CACNA2D3: variants seen among roughly 807,000 people sequenced by gnomAD.
CACNA2D3 encodes the protein voltage-dependent calcium channel subunit alpha-2/delta-3.
Under a neutral mutation model 160.6 loss-of-function variants are expected in CACNA2D3, and 60 were observed. The observed-to-expected ratio is 0.37, with a 90% CI of 0.30 to 0.46. The LOEUF is 0.46. Ranked by LOEUF, CACNA2D3 falls within the 20% of genes least tolerant of loss-of-function variation. The pLI is 1.00. For missense variants in CACNA2D3, 1,205 were observed against 1,365.0 expected, an observed-to-expected ratio of 0.88 and a Z score of 1.85; for synonymous variants, 558 against 492.9, an observed-to-expected ratio of 1.13 and a Z score of -1.75.
chr3:54,247,253 G>C (rs1702099717), intron 2 of CACNA2D3, among the ~76,000 whole-genome samples: 2 of 152,114 alleles, frequency 1.3e-5, no homozygotes, highest in South Asian at 4.1e-4. Context: ...GGTGGAGGTT[G>C]CAGTGAGCCA....
intron 4 of CACNA2D3, among the ~76,000 whole-genome samples, chr3:54,472,555 GAAAT>G (rs1700752813): frequency 6.6e-6 from 1 of 152,146 alleles, no homozygotes; most frequent in Non-Finnish European, 1.5e-5. Flanking sequence ...GCAAGAGAAA[GAAAT>G]AAAGGGTATT....
Position 54,241,283 on chromosome 3 carries a change from G to A in CACNA2D3, c.205-79159G>A, listed in dbSNP as rs4928022. 3.9e-5 allele frequency among the ~76,000 whole-genome samples: 6 copies of A among 152,084 alleles called. No homozygotes were observed. The South Asian group carries it at 1.0e-3, about 26-fold the overall frequency. ...ATGATCATGACTGGGGGCTCCCTGCGTGTTGGGCACTGTTGTAAGCACTTC... is the reference window on the plus strand; with the variant it reads ...ATGATCATGACTGGGGGCTCCCTGCATGTTGGGCACTGTTGTAAGCACTTC... On this transcript the variant is annotated intron_variant, in intron 2 of 37. Coordinates refer to ENST00000474759, the MANE Select transcript of CACNA2D3 (RefSeq NM_018398.3).
chr3:54,864,278 T>C (rs1699354460), intron 17 of CACNA2D3, among the ~76,000 whole-genome samples: 1 of 140,920 alleles, frequency 7.1e-6, no homozygotes, highest in African/African-American at 2.7e-5. Context: ...GTAGGTGTTC[T>C]TTTTTTTTTT....
intron 11 of CACNA2D3, among the ~76,000 whole-genome samples, chr3:54,728,171 T>C (rs1313637052): frequency 6.6e-6 from 1 of 150,968 alleles, no homozygotes; most frequent in African/African-American, 2.5e-5. Context: ...TCCAAATATT[T>C]CCTTTGCCCC....
intron 2 of CACNA2D3, among the ~76,000 whole-genome samples, chr3:54,229,875 T>C (rs1701738844): frequency 6.6e-6 from 1 of 152,166 alleles, no homozygotes; most frequent in Non-Finnish European, 1.5e-5. Flanking sequence ...AATTGTAATA[T>C]TTGGACACCT....
chr3:54,316,530 G>A (rs779264048), intron 2 of CACNA2D3, among the ~76,000 whole-genome samples: 3 of 152,266 alleles, frequency 2.0e-5, no homozygotes, highest in East Asian at 1.9e-4. Context: ...TTCTTGGCTC[G>A]TTTGCAAGAA....
chr3:54,776,228 G>A (rs1398935574), intron 13 of CACNA2D3, among the ~76,000 whole-genome samples: 1 of 152,188 alleles, frequency 6.6e-6, no homozygotes, highest in African/African-American at 2.4e-5. Flanking sequence ...CTAAGAGGTC[G>A]GGAGGCTGCC....
chr3:54,374,220 G>C (rs545337400), intron 3 of CACNA2D3, among the ~76,000 whole-genome samples: 1 of 152,208 alleles, frequency 6.6e-6, no homozygotes, highest in South Asian at 2.1e-4. Context: ...CACCACCAAC[G>C]ATCTCCGGTG....
At chr3:54,652,305 G>A (rs73842226) in intron 11 of CACNA2D3, among the ~76,000 whole-genome samples, 3,706 of 152,278 alleles carry the variant, frequency 0.024, 155 homozygotes, top group African/African-American at 0.083. Flanking sequence ...TTGAGGGCCC[G>A]CTGTGTCTCG....
chr3:54,184,643 A>G (rs896625170), intron 2 of CACNA2D3, among the ~76,000 whole-genome samples: 1 of 152,058 alleles, frequency 6.6e-6, no homozygotes, highest in African/African-American at 2.4e-5. Context: ...GAAGTACTTT[A>G]TGGTTTATGT....
At chr3:54,752,867 AT>A (rs67424246) in intron 12 of CACNA2D3, among the ~76,000 whole-genome samples, 190 bp downstream of exon 12, 10,278 of 103,280 alleles carry the variant, frequency 0.1, 311 homozygotes, top group Middle Eastern at 0.21. Flanking sequence ...TTTTTTTTTT[AT>A]TTTTTTTTTG....
At chr3:54,165,600 T>TAA (rs373085382) in intron 2 of CACNA2D3, among the ~76,000 whole-genome samples, 3,333 of 93,330 alleles carry the variant, frequency 0.036, 137 homozygotes, top group African/African-American at 0.12. Context: ...GTTCCATCTC[T>TAA]AAAAAAAAAA....
chr3:54,317,340 T>C (rs757297143), intron 2 of CACNA2D3, among the ~76,000 whole-genome samples: 5 of 152,170 alleles, frequency 3.3e-5, no homozygotes, highest in Non-Finnish European at 7.3e-5. Context: ...CCTTACTGTG[T>C]TGAGTGTTGC....
chr3:54,905,822 C>T (rs564532500), intron 27 of CACNA2D3, among the ~76,000 whole-genome samples: 4 of 152,168 alleles, frequency 2.6e-5, no homozygotes, highest in African/African-American at 9.7e-5. Context: ...TTGGGTTAAA[C>T]TGACAGGTAA....
chr3:54,183,736 T>C (rs1413806078), intron 2 of CACNA2D3, among the ~76,000 whole-genome samples: 2 of 151,358 alleles, frequency 1.3e-5, no homozygotes, highest in African/African-American at 4.9e-5. Flanking sequence ...AATACAAAAA[T>C]TAGCCGGACA....
At chr3:54,664,512 T>G (rs979555114) in intron 11 of CACNA2D3, among the ~76,000 whole-genome samples, 5 of 152,244 alleles carry the variant, frequency 3.3e-5, no homozygotes, top group African/African-American at 4.8e-5. Flanking sequence ...TGAAGCTAAT[T>G]TATCCAGGAG....
chr3:54,135,473 C>G (rs892500297), intron 2 of CACNA2D3, among the ~76,000 whole-genome samples: 1 of 152,226 alleles, frequency 6.6e-6, no homozygotes, highest in Non-Finnish European at 1.5e-5. Context: ...CCAACACACC[C>G]CCGGACATGA....
chr3:54,126,869 T>G lies in CACNA2D3; in HGVS notation c.204+3275T>G, dbSNP rs919396175. On this transcript the variant is annotated intron_variant, in intron 2 of 37. Coordinates refer to ENST00000474759, the MANE Select transcript of CACNA2D3 (RefSeq NM_018398.3). Reference sequence around the variant, plus strand: ...TTGATATATCCATGCCAGTCAGTATTCAGCTGCCTTTATCTTGCTTCATTT... The same window carrying G: ...TTGATATATCCATGCCAGTCAGTATGCAGCTGCCTTTATCTTGCTTCATTT... 4.6e-5 allele frequency among the ~76,000 whole-genome samples: 7 copies of G among 152,224 alleles called. No individual in the cohort carries two copies. The South Asian group carries it at 8.3e-4, about 18-fold the overall frequency.
At chr3:54,128,296 T>C (rs1206362843) in intron 2 of CACNA2D3, among the ~76,000 whole-genome samples, 1 of 152,190 alleles carries the variant, frequency 6.6e-6, no homozygotes, top group Non-Finnish European at 1.5e-5. Context: ...GACATAGCCA[T>C]ATGTCAGCAT....
Sources: gnomAD v4.1 joint callset for allele counts (sites outside exome capture counted in the v4.1 genomes callset) on GRCh38, gnomAD v4.1.1 for gene constraint, MANE v1.5 for transcripts, NCBI Gene and HGNC (gene_info 2026-07-23, HGNC 2026-07-21) for gene names.